PCDH15: variants seen among roughly 807,000 people sequenced by gnomAD.
The protein encoded by PCDH15 is protocadherin related 15.
Under a neutral mutation model 178.5 loss-of-function variants are expected in PCDH15, and 129 were observed. The ratio of observed to expected loss-of-function variants is 0.72; its 90% CI spans 0.63 to 0.84. The LOEUF is 0.84. PCDH15 is among the 40% of genes least tolerant of loss of function. The pLI, the probability that PCDH15 is intolerant of heterozygous loss-of-function variation, is 0.00. For missense variants in PCDH15, 2,230 were observed against 2,099.9 expected, an observed-to-expected ratio of 1.06 and a Z score of -1.21; for synonymous variants, 800 against 732.0, an observed-to-expected ratio of 1.09 and a Z score of -1.50.
Position 54,512,925 on chromosome 10 carries a change from T to C in PCDH15, c.157+14887A>G, listed in dbSNP as rs567317777. On this transcript the variant is annotated intron_variant, in intron 3 of 37. Transcript: ENST00000644397. ...AAAGTTAAAAACTAAAGCGAGCCATTTTCCAAGAATTAGACAGTATTTTTA... is the reference window on the plus strand; with the variant it reads ...AAAGTTAAAAACTAAAGCGAGCCATCTTCCAAGAATTAGACAGTATTTTTA... 1.1e-4 allele frequency among the ~76,000 whole-genome samples: 17 copies of C among 152,200 alleles called. 1 individual carries two copies. In the South Asian group the frequency reaches 3.5e-3, roughly 32 times the overall value.
chr10:54,060,365 G>A (rs1182189553), intron 18 of PCDH15, among the ~76,000 whole-genome samples: 2 of 152,072 alleles, frequency 1.3e-5, no homozygotes, highest in African/African-American at 2.4e-5. Flanking sequence ...TGCAACTACC[G>A]TATTTCGAAA....
intron 2 of PCDH15, among the ~76,000 whole-genome samples, chr10:55,367,427 A>C (rs907666429): frequency 1.3e-5 from 2 of 151,898 alleles, no homozygotes; most frequent in Admixed American, 6.6e-5. Flanking sequence ...CACATAATAA[A>C]AAAGTTAGTT....
At chr10:54,827,768 C>T (rs1953155352) in intron 3 of PCDH15, among the ~76,000 whole-genome samples, 1 of 152,138 alleles carries the variant, frequency 6.6e-6, no homozygotes, top group East Asian at 1.9e-4. Context: ...AGTATATCTA[C>T]CATGTTCCAA....
At chr10:54,617,023 A>G (rs1039269313) in intron 2 of PCDH15, among the ~76,000 whole-genome samples, 16 of 151,800 alleles carry the variant, frequency 1.1e-4, no homozygotes, top group African/African-American at 3.9e-4. Flanking sequence ...TTGTATCTTT[A>G]AAAACATGAC....
intron 16 of PCDH15, among the ~76,000 whole-genome samples, chr10:54,081,134 A>G (rs1440984299): frequency 6.6e-6 from 1 of 152,120 alleles, no homozygotes; most frequent in Non-Finnish European, 1.5e-5. Flanking sequence ...ACCTTCCAGG[A>G]AACAAAACAT....
At chr10:54,663,999 G>A (rs2094531276) in intron 2 of PCDH15, among the ~76,000 whole-genome samples, 173 bp downstream of exon 2, 1 of 151,782 alleles carries the variant, frequency 6.6e-6, no homozygotes, top group Admixed American at 6.6e-5. Flanking sequence ...AGAAACAAAG[G>A]ACATCTGATT....
At chr10:53,809,588 T>C (rs770416183) in intron 37 of PCDH15, 5 of 1,577,392 alleles carry the variant, frequency 3.2e-6, no homozygotes, top group Non-Finnish European at 4.3e-6. Context: ...AGCTTGGAGA[T>C]AGCTATGGTA....
At chr10:55,356,186 C>T (rs1006881893) in intron 2 of PCDH15, among the ~76,000 whole-genome samples, 3 of 150,164 alleles carry the variant, frequency 2.0e-5, no homozygotes, top group Non-Finnish European at 3.0e-5. Flanking sequence ...TTCTCAACAC[C>T]TAGTATTATA....
chr10:55,584,144 A>G (rs1842678364), intron 2 of PCDH15, among the ~76,000 whole-genome samples: 1 of 152,130 alleles, frequency 6.6e-6, no homozygotes, highest in African/African-American at 2.4e-5. Context: ...TCAGCCTCCC[A>G]AAGTGCTGGG....
intron 3 of PCDH15, among the ~76,000 whole-genome samples, chr10:54,467,080 G>T (rs1181663916): frequency 6.6e-6 from 1 of 151,836 alleles, no homozygotes; most frequent in Non-Finnish European, 1.5e-5. Flanking sequence ...TTCCTAGATA[G>T]AAGATTATAT....
upstream of PCDH15, among the ~76,000 whole-genome samples, chr10:55,324,519 C>T (rs1843981920): frequency 6.6e-6 from 1 of 151,932 alleles, no homozygotes; most frequent in Non-Finnish European, 1.5e-5. Context: ...ACGGTAAAGG[C>T]AAGAACTAAG....
At chr10:54,745,653 T>G (rs1945363753) in intron 1 of PCDH15, among the ~76,000 whole-genome samples, 1 of 152,148 alleles carries the variant, frequency 6.6e-6, no homozygotes, top group South Asian at 2.1e-4. Flanking sequence ...TTAGAAACAG[T>G]TTTTAATCAG....
At chr10:54,746,563 A>C (rs963139254) in intron 1 of PCDH15, among the ~76,000 whole-genome samples, 1 of 152,200 alleles carries the variant, frequency 6.6e-6, no homozygotes, top group African/African-American at 2.4e-5. Context: ...TGTCTGTATC[A>C]AAATATCTTA....
chr10:55,618,761 T>C (rs1217594597), intron 2 of PCDH15, among the ~76,000 whole-genome samples: 1 of 152,052 alleles, frequency 6.6e-6, no homozygotes, highest in Non-Finnish European at 1.5e-5. Context: ...GCCCAATTAC[T>C]GACCTTGTAC....
intron 13 of PCDH15, among the ~76,000 whole-genome samples, chr10:54,162,349 G>A (rs889734438): frequency 1.3e-5 from 2 of 152,082 alleles, no homozygotes; most frequent in Admixed American, 6.6e-5. Flanking sequence ...CCTATGAATG[G>A]ACAGGTATGA....
chr10:55,371,536 C>T (rs2131990027), intron 2 of PCDH15, among the ~76,000 whole-genome samples: 1 of 152,214 alleles, frequency 6.6e-6, no homozygotes, highest in Non-Finnish European at 1.5e-5. Context: ...TCTCACCTTG[C>T]TGTTCTTGTG....
chr10:53,810,538 T>C lies in PCDH15; in HGVS notation c.4671+18A>G, dbSNP rs776406003. The C allele has an allele frequency of 1.3e-6, 2 of 1,598,844 alleles. No homozygotes were observed. Among genetic ancestry groups the C allele is most frequent in the East Asian group, 2.2e-5 (1 of 44,800 alleles). On this transcript the variant is annotated intron_variant, in intron 37 of 37. Transcript: ENST00000644397. ...TTTCTTGGAATATTATCTTACATAA[T>C]AAAATTACAGTAATTACCTCTTCCT... is the stretch of plus-strand genomic sequence containing the variant.
chr10:54,866,507 A>C (rs1953944744), intron 3 of PCDH15, among the ~76,000 whole-genome samples: 1 of 152,240 alleles, frequency 6.6e-6, no homozygotes, highest in Non-Finnish European at 1.5e-5. Context: ...GAAGTAAAAA[A>C]TCAAAGATAG....
intron 8 of PCDH15, among the ~76,000 whole-genome samples, chr10:54,304,004 A>G (rs2060307117): frequency 6.6e-6 from 1 of 151,364 alleles, no homozygotes; most frequent in Admixed American, 6.6e-5. Context: ...CTTCAGATAC[A>G]TTGTCTGCCC....
Sources: gnomAD v4.1 joint callset for allele counts (sites outside exome capture counted in the v4.1 genomes callset) on GRCh38, gnomAD v4.1.1 for gene constraint, MANE v1.5 for transcripts, NCBI Gene and HGNC (gene_info 2026-07-23, HGNC 2026-07-21) for gene names.